Variants in ENTREP1 observed in about 807,000 individuals in gnomAD.
The protein encoded by ENTREP1 is Friedreich ataxia region gene X123.
the ENTREP1 span, chr9:69,336,416 A>C: frequency 4.5e-5 from 24 of 528,358 alleles, no homozygotes; most frequent in Non-Finnish European, 7.7e-5. Context: ...TCAGATGATC[A>C]TAACCAGTAA....
At chr9:69,377,478 G>A in the ENTREP1 span, 9 of 1,612,608 alleles carry the variant, frequency 5.6e-6, no homozygotes, top group South Asian at 2.2e-5. Context: ...ATCCTGCATC[G>A]TAAGTCTATG....
the ENTREP1 span, chr9:69,371,635 G>A: frequency 2.8e-6 from 4 of 1,428,508 alleles, no homozygotes; most frequent in Admixed American, 6.7e-5. Context: ...ACATCACTGT[G>A]CATCTAGGCA....
the ENTREP1 span, among the ~76,000 whole-genome samples, chr9:69,349,043 G>C: frequency 6.6e-6 from 1 of 151,968 alleles, no homozygotes; most frequent in East Asian, 1.9e-4. Flanking sequence ...AATTAGCCAG[G>C]CATGGTGGCG....
chr9:69,356,148 A>G, the ENTREP1 span, among the ~76,000 whole-genome samples: 3 of 152,160 alleles, frequency 2.0e-5, no homozygotes, highest in Non-Finnish European at 4.4e-5. Context: ...TTCTCCCCTG[A>G]AGTCCGTGGC....
At chr9:69,383,743 A>G in the ENTREP1 span, 8 of 1,614,186 alleles carry the variant, frequency 5.0e-6, no homozygotes, top group Non-Finnish European at 6.8e-6. Context: ...GTGGTGAGCC[A>G]GATGGACCAG....
chr9:69,389,011 G>T, the ENTREP1 span, among the ~76,000 whole-genome samples: 2 of 152,196 alleles, frequency 1.3e-5, no homozygotes, highest in East Asian at 1.9e-4. Context: ...ATAGAATTGG[G>T]CATGAACATA....
the ENTREP1 span, among the ~76,000 whole-genome samples, chr9:69,329,928 C>T: frequency 2.3e-5 from 3 of 128,754 alleles, no homozygotes; most frequent in Non-Finnish European, 5.1e-5. Context: ...TAACTAGGTT[C>T]CACTGGGTTT....
the ENTREP1 span, chr9:69,391,843 C>T: frequency 1.3e-6 from 2 of 1,523,380 alleles, no homozygotes; most frequent in African/African-American, 2.7e-5. Flanking sequence ...GGGAAGGATC[C>T]CTCTCCTCTC....
the ENTREP1 span, among the ~76,000 whole-genome samples, chr9:69,340,763 A>ATC: frequency 3.4e-5 from 1 of 29,260 alleles, no homozygotes; most frequent in Non-Finnish European, 1.0e-4. Context: ...GTGTGCGTGC[A>ATC]TGTGTGTGTG....
chr9:69,332,606 A>G, the ENTREP1 span, among the ~76,000 whole-genome samples: 15 of 152,210 alleles, frequency 9.9e-5, no homozygotes, highest in Middle Eastern at 3.2e-3. Flanking sequence ...CATTTTGTAC[A>G]TATTTTTTAA....
chr9:69,350,621 G>A, the ENTREP1 span, among the ~76,000 whole-genome samples: 53 of 151,886 alleles, frequency 3.5e-4, no homozygotes, highest in African/African-American at 1.2e-3. Context: ...TTTTTCATTT[G>A]CCAGAGAACA....
At chr9:69,325,660 G>C in the ENTREP1 span, 1 of 1,231,534 alleles carries the variant, frequency 8.1e-7, no homozygotes, top group Non-Finnish European at 1.0e-6. Context: ...TCAGCTTCGG[G>C]GCGCTGTCGC....
the ENTREP1 span, among the ~76,000 whole-genome samples, chr9:69,335,534 G>A: frequency 2.0e-5 from 3 of 152,218 alleles, no homozygotes; most frequent in Admixed American, 6.5e-5. Context: ...AGGAAGGTAT[G>A]TGGTGGAGGG....
chr9:69,382,806 C>T, the ENTREP1 span: 1 of 159,656 alleles, frequency 6.3e-6, no homozygotes, highest in Non-Finnish European at 1.3e-5. Context: ...TCTGTTTTCT[C>T]ATCCATTTCT....
At chr9:69,387,916 TG>T in the ENTREP1 span, 2 of 1,450,010 alleles carry the variant, frequency 1.4e-6, no homozygotes, top group Non-Finnish European at 9.2e-7. Context: ...GGCTTTACCT[TG>T]GGGGTGGTGT....
At chr9:69,381,246 GTC>G in the ENTREP1 span, 18 of 152,368 alleles carry the variant, frequency 1.2e-4, no homozygotes, top group Non-Finnish European at 1.9e-4. Flanking sequence ...CCCAGGATGA[GTC>G]TCTCACCATT....
chr9:69,375,116 C>T, the ENTREP1 span, among the ~76,000 whole-genome samples: 1 of 152,224 alleles, frequency 6.6e-6, no homozygotes, highest in Admixed American at 6.5e-5. Flanking sequence ...TGGCTCACTC[C>T]AGAGGTGCCA....
the ENTREP1 span, among the ~76,000 whole-genome samples, chr9:69,378,053 CT>C: frequency 5.9e-5 from 9 of 152,046 alleles, no homozygotes; most frequent in African/African-American, 1.9e-4. Flanking sequence ...CTCTTTTTGT[CT>C]GATAAAACAG....
chr9:69,325,782 C>G, the ENTREP1 span: 2 of 1,213,314 alleles, frequency 1.6e-6, no homozygotes, highest in Non-Finnish European at 2.0e-6. Flanking sequence ...GGGCTCTGGT[C>G]GTTCCTCTCC....
Sources: allele counts gnomAD v4.1 joint callset (sites outside exome capture counted in the v4.1 genomes callset), GRCh38; gene constraint gnomAD v4.1.1; transcripts MANE v1.5; gene names NCBI Gene and HGNC (gene_info 2026-07-23, HGNC 2026-07-21).